The following WDR47 variants were observed in gnomAD, a reference collection of about 807,000 sequenced individuals.
The protein encoded by WDR47 is WD repeat domain 47, also known as WD repeat-containing protein 47.
A neutral mutation model predicts 97.2 loss-of-function variants in WDR47; 32 were observed. That is an observed-to-expected ratio of 0.33 (90% CI 0.25 to 0.44). WDR47 has a LOEUF of 0.44. Ranked by LOEUF, WDR47 falls within the 20% of genes least tolerant of loss-of-function variation. The probability of loss-of-function intolerance (pLI) is 1.00; values close to 1 mark genes in which losing one functional copy is unlikely to be tolerated. For synonymous variants in WDR47, 375 were observed against 373.5 expected (o/e 1.00, Z -0.05); for missense variants, 782 against 1,102.3 (o/e 0.71, Z 4.11).
intron 1 of WDR47, among the ~76,000 whole-genome samples, chr1:109,037,582 G>T (rs1173269542): frequency 7.3e-6 from 1 of 136,158 alleles, no homozygotes; most frequent in Non-Finnish European, 1.5e-5. Context: ...AGCTGAGATC[G>T]CACCACTGCA....
intron 1 of WDR47, among the ~76,000 whole-genome samples, chr1:109,032,822 G>A (rs949451998): frequency 3.3e-5 from 5 of 151,696 alleles, no homozygotes; most frequent in East Asian, 3.9e-4. Flanking sequence ...GCTTGAACCC[G>A]GGAGGTGGAG....
intron 8 of WDR47, chr1:108,992,762 G>T (rs1260526176): frequency 4.4e-6 from 7 of 1,596,774 alleles, no homozygotes; most frequent in Non-Finnish European, 5.9e-6. Context: ...TCCTAAACCA[G>T]AAGAGGAGGT....
chr1:109,035,822 T>A (rs2102053830), intron 1 of WDR47, among the ~76,000 whole-genome samples: 1 of 151,934 alleles, frequency 6.6e-6, no homozygotes, highest in East Asian at 1.9e-4. Flanking sequence ...TCTTCTTTTT[T>A]TTTTTTTTAA....
At chr1:109,030,641 C>A (rs1662557906) in intron 1 of WDR47, among the ~76,000 whole-genome samples, 1 of 140,616 alleles carries the variant, frequency 7.1e-6, no homozygotes, top group Non-Finnish European at 1.6e-5. Flanking sequence ...TAACATGGAA[C>A]AATAGTGCTT....
rs564173856 is a variant in WDR47, at chr1:109,014,062, C to A, written c.243-137G>T. The A allele has an allele frequency of 4.0e-5, 23 of 581,292 alleles. No homozygotes were observed. In the African/African-American group the frequency reaches 4.3e-4, roughly 11 times the overall value. 36.0% of individuals were successfully genotyped at this position (581,292 alleles called of 1,614,324 possible). On this transcript the variant is annotated intron_variant, in intron 3 of 14. Transcript: ENST00000369962. ...GCTTCTTATCACATTGAAGCCATAA[C>A]TGAAGTTCAGTCACAAGTAATCACA...
intron 10 of WDR47, among the ~76,000 whole-genome samples, chr1:108,985,433 C>T (rs1658713753): frequency 2.0e-5 from 3 of 152,158 alleles, no homozygotes; most frequent in African/African-American, 4.8e-5. Context: ...CTCTGACTCG[C>T]CAGTTTGCAC....
At chr1:108,987,438 G>GC (rs1658923513) in intron 9 of WDR47, among the ~76,000 whole-genome samples, 2 of 152,120 alleles carry the variant, frequency 1.3e-5, no homozygotes, top group Admixed American at 6.6e-5. Context: ...ACAGGTGTGA[G>GC]CCACCGCACC....
intron 14 of WDR47, 136 bp downstream of exon 14, chr1:108,974,400 T>C: frequency 3.0e-6 from 2 of 668,784 alleles, no homozygotes; most frequent in Non-Finnish European, 2.5e-6. Flanking sequence ...TATCTTAATA[T>C]AGTCTCAGAA....
rs187261735 is a variant in WDR47 at position 108,971,205 on chromosome 1, A to T, written c.*225T>A. 7.6e-4 allele frequency: 378 copies of T among 498,590 alleles called. 2 individuals are homozygous for T. In the East Asian group the frequency reaches 9.4e-3, roughly 12 times the overall value. The allele number at this position is 498,590 out of a possible 1,614,324, so 30.9% of individuals were successfully genotyped here. On this transcript the variant is annotated 3_prime_UTR_variant, in exon 15 of 15. Coordinates refer to ENST00000369962, the MANE Select transcript of WDR47 (RefSeq NM_001142551.2). ...AGCTCTTCTGCAGACTTTGGCAACG[A>T]GACTACATATAGCAGGTCACAGCAG... is the stretch of plus-strand genomic sequence containing the variant.
intron 13 of WDR47, among the ~76,000 whole-genome samples, chr1:108,976,822 A>T (rs2101791204): frequency 6.6e-6 from 1 of 152,304 alleles, no homozygotes; most frequent in East Asian, 1.9e-4. Flanking sequence ...TTTACTGGAC[A>T]TGGGAGGAGC....
chr1:108,981,413 CTT>C (rs1179053904), intron 13 of WDR47, among the ~76,000 whole-genome samples: 13 of 152,214 alleles, frequency 8.5e-5, no homozygotes, highest in East Asian at 7.7e-4. Context: ...ATAGTACACT[CTT>C]TTGTTCAATT....
chr1:108,974,219 G>A (rs1307512175), intron 14 of WDR47, among the ~76,000 whole-genome samples: 1 of 150,708 alleles, frequency 6.6e-6, no homozygotes, highest in East Asian at 2.0e-4. Context: ...GCTGGGCGTG[G>A]TGGCTCACGC....
At chr1:108,974,439 GA>G (rs1179417444) in intron 14 of WDR47, 96 bp downstream of exon 14, 3 of 888,180 alleles carry the variant, frequency 3.4e-6, no homozygotes, top group Non-Finnish European at 5.1e-6. Context: ...TAAAATAATT[GA>G]AAGTATTATA....
Position 108,998,524 on chromosome 1 carries a change from A to G in WDR47, c.1434-2687T>C, listed in dbSNP as rs147643920. On this transcript the variant is annotated intron_variant, in intron 7 of 14. Transcript: ENST00000369962. The stretch of plus-strand genomic sequence containing the variant: ...CTCAAAAAACAAAAAAAAAATGCTA[A>G]TATAGCATTTTAACTCTCTTAAAAT... Among the ~76,000 whole-genome samples, 1,294 of 152,218 alleles carry G rather than the reference A, an allele frequency of 8.5e-3. 21 individuals are homozygous for G. Among genetic ancestry groups the G allele is most frequent in the African/African-American group, 0.03 (1,244 of 41,540 alleles).
chr1:109,041,275 T>G (rs1479553754), intron 1 of WDR47, among the ~76,000 whole-genome samples: 2 of 152,140 alleles, frequency 1.3e-5, no homozygotes, highest in Non-Finnish European at 2.9e-5. Flanking sequence ...ATCCCAGTTC[T>G]AAATCGAGTC....
intron 2 of WDR47, among the ~76,000 whole-genome samples, chr1:109,022,100 G>A (rs1162313618): frequency 3.9e-5 from 6 of 152,016 alleles, no homozygotes; most frequent in Non-Finnish European, 8.8e-5. Context: ...CGCCTGCCTT[G>A]GACTCGCAAA....
At chr1:108,989,545 T>G (rs1264165354) in intron 9 of WDR47, among the ~76,000 whole-genome samples, 1 of 152,234 alleles carries the variant, frequency 6.6e-6, no homozygotes, top group Admixed American at 6.5e-5. Context: ...TGTGACTGTT[T>G]GCAAAATTAT....
At chr1:109,015,685 A>G (rs1168110133) in intron 3 of WDR47, among the ~76,000 whole-genome samples, 1 of 151,460 alleles carries the variant, frequency 6.6e-6, no homozygotes, top group Non-Finnish European at 1.5e-5. Context: ...AGGGAAGTCA[A>G]TCCTTAAAAA....
At chr1:108,971,874 C>T (rs1057083929) in intron 14 of WDR47, among the ~76,000 whole-genome samples, 1 of 152,092 alleles carries the variant, frequency 6.6e-6, no homozygotes, top group African/African-American at 2.4e-5. Flanking sequence ...CCCTTTTCTT[C>T]TTGACGTAAA....
Sources: gnomAD v4.1 joint callset for allele counts (sites outside exome capture counted in the v4.1 genomes callset) on GRCh38, gnomAD v4.1.1 for gene constraint, MANE v1.5 for transcripts, NCBI Gene and HGNC (gene_info 2026-07-23, HGNC 2026-07-21) for gene names.